Variants in CNTN5 observed in about 807,000 individuals in gnomAD.
CNTN5 encodes contactin-5.
CNTN5 carries 77 observed loss-of-function variants against 129.1 expected under a neutral mutation model. The ratio of observed to expected loss-of-function variants is 0.60; its 90% CI spans 0.50 to 0.72. CNTN5 has a LOEUF of 0.72. Ranked by LOEUF, CNTN5 falls within the 30% of genes least tolerant of loss-of-function variation. CNTN5 has a pLI of 0.00. For synonymous variants in CNTN5, 509 were observed against 465.6 expected, an observed-to-expected ratio of 1.09 and a Z score of -1.20; for missense variants, 1,478 against 1,328.8, an observed-to-expected ratio of 1.11 and a Z score of -1.75.
chr11:100,052,738 T>C (rs1380499270), intron 9 of CNTN5, among the ~76,000 whole-genome samples: 1 of 151,738 alleles, frequency 6.6e-6, no homozygotes, highest in Non-Finnish European at 1.5e-5. Flanking sequence ...ATTCAAAGCA[T>C]ATGAAATAGC....
intron 1 of CNTN5, among the ~76,000 whole-genome samples, chr11:99,154,776 C>T (rs1185479041): frequency 1.3e-5 from 2 of 152,042 alleles, no homozygotes; most frequent in Non-Finnish European, 2.9e-5. Flanking sequence ...CAAGGTGGGG[C>T]CTTGGGAGAG....
At chr11:99,553,769 CTA>C (rs1315685655) in intron 2 of CNTN5, among the ~76,000 whole-genome samples, 1 of 151,052 alleles carries the variant, frequency 6.6e-6, no homozygotes, top group East Asian at 1.9e-4. Context: ...AAAGCACAAA[CTA>C]ATAATCTCAA....
chr11:99,948,949 A>G (rs866967696), intron 7 of CNTN5, among the ~76,000 whole-genome samples: 10 of 152,172 alleles, frequency 6.6e-5, no homozygotes, highest in Non-Finnish European at 1.0e-4. Flanking sequence ...TTATGGATAC[A>G]GGGGAGAGGG....
chr11:99,991,375 G>A (rs999024339), intron 8 of CNTN5, among the ~76,000 whole-genome samples: 3 of 152,136 alleles, frequency 2.0e-5, no homozygotes, highest in Admixed American at 1.3e-4. Flanking sequence ...GCTGAGGCAG[G>A]AGAATGGCCT....
At chr11:99,142,821 T>C (rs1859587753) in intron 1 of CNTN5, among the ~76,000 whole-genome samples, 1 of 152,104 alleles carries the variant, frequency 6.6e-6, no homozygotes, top group South Asian at 2.1e-4. Flanking sequence ...CAAGTGTTCG[T>C]GGGACTCGTA....
At chr11:99,418,044 G>T (rs1226111370) in intron 2 of CNTN5, among the ~76,000 whole-genome samples, 1 of 152,088 alleles carries the variant, frequency 6.6e-6, no homozygotes, top group African/African-American at 2.4e-5. Flanking sequence ...ACTGCTCAAG[G>T]TTTTTAAAGT....
At chr11:99,921,553 C>A (rs1456864804) in intron 7 of CNTN5, among the ~76,000 whole-genome samples, 2 of 152,196 alleles carry the variant, frequency 1.3e-5, no homozygotes, top group East Asian at 3.8e-4. Flanking sequence ...GTAGTACTCA[C>A]AGCATTACAT....
At chr11:99,465,123 G>T (rs1034477742) in intron 2 of CNTN5, among the ~76,000 whole-genome samples, 2 of 152,180 alleles carry the variant, frequency 1.3e-5, no homozygotes, top group African/African-American at 4.8e-5. Flanking sequence ...GACAAATAAT[G>T]CTTTTGAGTA....
intron 3 of CNTN5, among the ~76,000 whole-genome samples, chr11:99,745,215 T>C (rs1025778658): frequency 2.0e-5 from 3 of 152,112 alleles, no homozygotes; most frequent in Non-Finnish European, 4.4e-5. Context: ...ATTAGAACAA[T>C]GGTAAAACAG....
At chr11:99,787,198 C>T (rs1945562699) in intron 3 of CNTN5, among the ~76,000 whole-genome samples, 1 of 150,318 alleles carries the variant, frequency 6.7e-6, no homozygotes, top group South Asian at 2.1e-4. Flanking sequence ...TCTTCTTAAC[C>T]AGGGAAGAAA....
intron 3 of CNTN5, among the ~76,000 whole-genome samples, chr11:99,620,671 G>A (rs891191372): frequency 6.6e-6 from 1 of 151,954 alleles, no homozygotes; most frequent in Non-Finnish European, 1.5e-5. Context: ...ATATCAAATA[G>A]TGGGCATAGA....
intron 1 of CNTN5, among the ~76,000 whole-genome samples, chr11:99,229,374 T>A (rs1860864872): frequency 6.6e-6 from 1 of 151,990 alleles, no homozygotes. Context: ...ATACAGGTGT[T>A]TTGTATATAA....
chr11:99,379,470 C>A (rs959872923), intron 2 of CNTN5, among the ~76,000 whole-genome samples: 1 of 151,906 alleles, frequency 6.6e-6, no homozygotes, highest in Middle Eastern at 3.2e-3. Flanking sequence ...CCTCAAGTGC[C>A]ATTTGAAAAT....
chr11:99,185,397 G>A (rs1165610243), intron 1 of CNTN5, among the ~76,000 whole-genome samples: 4 of 151,802 alleles, frequency 2.6e-5, no homozygotes, highest in Non-Finnish European at 4.4e-5. Context: ...AAGTAATCTC[G>A]ATTGGGTGAA....
At chr11:99,640,790 C>G (rs747154413) in intron 3 of CNTN5, among the ~76,000 whole-genome samples, 5 of 152,148 alleles carry the variant, frequency 3.3e-5, no homozygotes, top group Admixed American at 3.3e-4. Flanking sequence ...GATATTTGCA[C>G]AATAAAATTG....
chr11:100,025,581 C>T (rs976591317), intron 9 of CNTN5, among the ~76,000 whole-genome samples: 51 of 152,270 alleles, frequency 3.3e-4, no homozygotes, highest in African/African-American at 1.2e-3. Context: ...CAATGCCAGC[C>T]CATGAAAACA....
intron 6 of CNTN5, among the ~76,000 whole-genome samples, chr11:99,863,429 A>G (rs1269926847): frequency 6.6e-6 from 1 of 152,148 alleles, no homozygotes; most frequent in Non-Finnish European, 1.5e-5. Context: ...GTCAATTAAT[A>G]GAGCACGGTT....
chr11:99,417,280 T>C (rs1265478746), intron 2 of CNTN5, among the ~76,000 whole-genome samples: 1 of 152,316 alleles, frequency 6.6e-6, no homozygotes, highest in Non-Finnish European at 1.5e-5. Flanking sequence ...AACACACTCA[T>C]TGGTTTGACA....
At chr11:100,348,436 T>A (rs1022724487) in intron 23 of CNTN5, among the ~76,000 whole-genome samples, 1 of 152,006 alleles carries the variant, frequency 6.6e-6, no homozygotes, top group Non-Finnish European at 1.5e-5. Flanking sequence ...ACTAACTGAT[T>A]TTTTCCCCGT....
Sources: allele counts gnomAD v4.1 joint callset (sites outside exome capture counted in the v4.1 genomes callset), GRCh38; gene constraint gnomAD v4.1.1; transcripts MANE v1.5; gene names NCBI Gene and HGNC (gene_info 2026-07-23, HGNC 2026-07-21).